Variants in AFG1L observed in about 807,000 individuals in gnomAD.
AFG1L encodes the protein AFG1 like ATPase.
In AFG1L, 53 loss-of-function variants were observed where a neutral mutation model predicts 62.2. The observed-to-expected ratio is 0.85, with a 90% CI of 0.68 to 1.07. AFG1L has a LOEUF of 1.07. Among genes scored for constraint, AFG1L ranks in the 50% least tolerant of loss-of-function variants. AFG1L has a pLI of 0.00. For synonymous variants in AFG1L, 228 were observed against 210.3 expected (o/e 1.08, Z -0.73); for missense variants, 555 against 590.5 (o/e 0.94, Z 0.62).
chr6:108,428,263 C>T (rs1056350035), intron 7 of AFG1L, among the ~76,000 whole-genome samples: 3 of 152,168 alleles, frequency 2.0e-5, no homozygotes, highest in African/African-American at 7.2e-5. Flanking sequence ...ATCCAAGTTG[C>T]TGCAAAAGAC....
chr6:108,495,987 T>C (rs578020206), intron 10 of AFG1L, among the ~76,000 whole-genome samples: 1 of 152,346 alleles, frequency 6.6e-6, no homozygotes, highest in Non-Finnish European at 1.5e-5. Flanking sequence ...ACTTGAATTT[T>C]GAGTTAGAAT....
chr6:108,317,613 G>C (rs1777654817), intron 1 of AFG1L, among the ~76,000 whole-genome samples: 1 of 152,116 alleles, frequency 6.6e-6, no homozygotes, highest in African/African-American at 2.4e-5. Flanking sequence ...GTAGAAACTT[G>C]GCCTACACTT....
At chr6:108,489,484 C>A (rs1773693022) in intron 10 of AFG1L, among the ~76,000 whole-genome samples, 1 of 152,208 alleles carries the variant, frequency 6.6e-6, no homozygotes, top group African/African-American at 2.4e-5. Context: ...AATCCCAAGT[C>A]TCCACGACAT....
rs760008630 is a variant in AFG1L, at chr6:108,295,198, C to G, written c.119C>G (p.Pro40Arg). The G allele has an allele frequency of 6.2e-7, 1 of 1,605,206 alleles. No individual in the cohort carries two copies. The highest frequency in any genetic ancestry group is 1.7e-5 in the Admixed American group (1 of 59,942). The change falls in exon 1 of 13, where the codon CCT becomes CGT. Residue 40 changes from proline (P) to arginine (R), a missense_variant. Pro to Arg is a moderately radical substitution (Grantham distance 103). Coordinates refer to ENST00000368977, the MANE Select transcript of AFG1L (RefSeq NM_145315.5). ...AAALAPLATAPGKPFWKAYTV... is the reference protein window; with the variant it reads ...AAALAPLATARGKPFWKAYTV... ...GCTCTCGCTCCTCTGGCCACCGCCC[C>G]TGGGAAGCCCTTTTGGAAAGGTCAG...
chr6:108,524,504 A>C lies in AFG1L; in HGVS notation c.*2079A>C, dbSNP rs1775251034. 1 of 152,248 alleles carries C rather than the reference A, an allele frequency of 6.6e-6. No individual in the cohort carries two copies. Among genetic ancestry groups the C allele is most frequent in the Non-Finnish European group, 1.5e-5 (1 of 68,046 alleles). 9.4% of individuals were successfully genotyped at this position (152,248 alleles called of 1,614,324 possible). Reference sequence around the variant, plus strand: ...GTTAGTTGGGGTGCTGGTCAAACGCATAGAAGCCTATGTAATTCTCAGTGT... The same window carrying C: ...GTTAGTTGGGGTGCTGGTCAAACGCCTAGAAGCCTATGTAATTCTCAGTGT... On this transcript the variant is annotated 3_prime_UTR_variant, in exon 13 of 13. Coordinates refer to ENST00000368977, the MANE Select transcript of AFG1L (RefSeq NM_145315.5).
At chr6:108,453,946 G>T (rs1048488681) in intron 8 of AFG1L, among the ~76,000 whole-genome samples, 2 of 152,132 alleles carry the variant, frequency 1.3e-5, no homozygotes, top group African/African-American at 4.8e-5. Flanking sequence ...ATTCACCAGT[G>T]CAAGCAACTT....
At chr6:108,384,198 C>A (rs1045967585) in intron 6 of AFG1L, among the ~76,000 whole-genome samples, 1 of 152,150 alleles carries the variant, frequency 6.6e-6, no homozygotes, top group African/African-American at 2.4e-5. Flanking sequence ...TTGATACCTG[C>A]TATTCTCATA....
chr6:108,337,649 G>C (rs1222925979), intron 2 of AFG1L, among the ~76,000 whole-genome samples: 2 of 152,138 alleles, frequency 1.3e-5, no homozygotes, highest in Admixed American at 6.6e-5. Flanking sequence ...GTGATAAAGA[G>C]ATCTTAGTTC....
chr6:108,465,046 A>G (rs769182920), intron 8 of AFG1L, among the ~76,000 whole-genome samples: 3 of 152,216 alleles, frequency 2.0e-5, no homozygotes, highest in Admixed American at 6.5e-5. Context: ...AGAGGAGATG[A>G]TTTATAGCAA....
At chr6:108,364,892 T>G (rs6904939) in intron 5 of AFG1L, among the ~76,000 whole-genome samples, 13,513 of 146,016 alleles carry the variant, frequency 0.093, 1,780 homozygotes, top group African/African-American at 0.29. Flanking sequence ...AAAAAGTACA[T>G]CTCTATTTCA....
intron 7 of AFG1L, among the ~76,000 whole-genome samples, chr6:108,445,042 C>G (rs1453942577): frequency 2.6e-5 from 4 of 152,332 alleles, no homozygotes; most frequent in Non-Finnish European, 5.9e-5. Context: ...GTGTAGTCAC[C>G]TTCATCAATG....
intron 2 of AFG1L, among the ~76,000 whole-genome samples, chr6:108,338,257 A>G (rs1029180869): frequency 5.9e-5 from 9 of 152,220 alleles, no homozygotes; most frequent in Admixed American, 1.3e-4. Flanking sequence ...CTCTGACACT[A>G]TCTTCATCTT....
At chr6:108,343,181 C>T (rs748540605) in intron 2 of AFG1L, among the ~76,000 whole-genome samples, 1 of 151,852 alleles carries the variant, frequency 6.6e-6, no homozygotes, top group Non-Finnish European at 1.5e-5. Context: ...TCTCCTGCCT[C>T]AGCCTCCTGA....
At chr6:108,325,869 G>A (rs1396746994) in intron 2 of AFG1L, among the ~76,000 whole-genome samples, 2 of 151,476 alleles carry the variant, frequency 1.3e-5, no homozygotes, top group Non-Finnish European at 2.9e-5. Flanking sequence ...TGTAGCCTCC[G>A]CCTCCCAGGT....
chr6:108,367,923 G>A (rs1363616575), intron 6 of AFG1L, among the ~76,000 whole-genome samples: 1 of 152,188 alleles, frequency 6.6e-6, no homozygotes, highest in Non-Finnish European at 1.5e-5. Context: ...TAGTGAGTCT[G>A]AAAAGAGTAA....
chr6:108,301,076 G>A (rs1776978898), intron 1 of AFG1L, among the ~76,000 whole-genome samples: 1 of 152,146 alleles, frequency 6.6e-6, no homozygotes, highest in South Asian at 2.1e-4. Flanking sequence ...AGAATGTCAT[G>A]CCTATCCCTG....
intron 2 of AFG1L, among the ~76,000 whole-genome samples, chr6:108,343,499 A>C (rs964163017): frequency 6.6e-6 from 1 of 152,206 alleles, no homozygotes; most frequent in African/African-American, 2.4e-5. Flanking sequence ...CTATTCCCAC[A>C]AAATGTATTG....
chr6:108,327,764 G>C (rs1042925543), intron 2 of AFG1L, among the ~76,000 whole-genome samples: 8 of 152,138 alleles, frequency 5.3e-5, no homozygotes, highest in African/African-American at 1.9e-4. Flanking sequence ...TTCCACTTCT[G>C]TTCACTCTAC....
chr6:108,484,634 T>A (rs1244286447), intron 10 of AFG1L, among the ~76,000 whole-genome samples: 1 of 152,182 alleles, frequency 6.6e-6, no homozygotes, highest in East Asian at 1.9e-4. Flanking sequence ...CATGTTCAGA[T>A]AGGTGCAAAA....
Sources: gnomAD v4.1 joint callset for allele counts (sites outside exome capture counted in the v4.1 genomes callset) on GRCh38, gnomAD v4.1.1 for gene constraint, MANE v1.5 for transcripts, NCBI Gene and HGNC (gene_info 2026-07-23, HGNC 2026-07-21) for gene names.